The following ADIPOR2 variants were observed in gnomAD, a reference collection of about 807,000 sequenced individuals.
ADIPOR2 encodes the protein adiponectin receptor protein 2.
Under a neutral mutation model 40.9 loss-of-function variants are expected in ADIPOR2, and 18 were observed. The ratio of observed to expected loss-of-function variants is 0.44; its 90% CI spans 0.30 to 0.65. ADIPOR2 has a LOEUF of 0.65. Ranked by LOEUF, ADIPOR2 falls within the 30% of genes least tolerant of loss-of-function variation. The pLI is 0.09. For synonymous variants in ADIPOR2, 165 were observed against 166.4 expected, an observed-to-expected ratio of 0.99 and a Z score of 0.06; for missense variants, 283 against 479.2, an observed-to-expected ratio of 0.59 and a Z score of 3.82.
At chr12:1,726,551 G>T (rs547716339) in intron 1 of ADIPOR2, among the ~76,000 whole-genome samples, 19 of 152,266 alleles carry the variant, frequency 1.2e-4, no homozygotes, top group Admixed American at 7.2e-4. Context: ...GCAACCTGGT[G>T]TGACGGTATT....
At chr12:1,701,057 G>A (rs2094649169) in intron 1 of ADIPOR2, among the ~76,000 whole-genome samples, 1 of 150,948 alleles carries the variant, frequency 6.6e-6, no homozygotes, top group South Asian at 2.1e-4. Flanking sequence ...ATGTACAGTT[G>A]AAGCAACTTC....
chr12:1,748,870 TC>T (rs1456132652), intron 1 of ADIPOR2, among the ~76,000 whole-genome samples: 1 of 151,810 alleles, frequency 6.6e-6, no homozygotes, highest in Non-Finnish European at 1.5e-5. Context: ...AGCCTGAGTG[TC>T]CTCTAATTCA....
rs142818354 is a variant in ADIPOR2, at chr12:1,758,080, T to C, written c.171+3566T>C. ...GAACTTGCCCACCCAATCACTTTTG[T>C]GTCAGATTTACATTAATTGATTTTT... On this transcript the variant is annotated intron_variant, in intron 2 of 7. Coordinates refer to ENST00000357103, the MANE Select transcript of ADIPOR2 (RefSeq NM_024551.3). The C allele has an allele frequency of 1.0e-5, 6 of 586,528 alleles. No individual in the cohort carries two copies. In the Admixed American group the frequency reaches 1.5e-4, roughly 14 times the overall value. 36.3% of individuals were successfully genotyped at this position (586,528 alleles called of 1,614,324 possible).
chr12:1,779,863 T>C (rs1455285012), intron 4 of ADIPOR2, among the ~76,000 whole-genome samples: 1 of 152,196 alleles, frequency 6.6e-6, no homozygotes, highest in Non-Finnish European at 1.5e-5. Flanking sequence ...AATAGGAACA[T>C]GGCATCTTTC....
chr12:1,755,260 A>G (rs1410521366), intron 2 of ADIPOR2, among the ~76,000 whole-genome samples: 1 of 151,886 alleles, frequency 6.6e-6, no homozygotes, highest in Non-Finnish European at 1.5e-5. Context: ...TTGTATTTTT[A>G]GTAGAGATGG....
chr12:1,772,866 G>A lies in ADIPOR2; in HGVS notation c.196G>A (p.Asp66Asn), dbSNP rs1379768892. Residue 66 changes from aspartate (D) to asparagine (N), a missense_variant, in exon 3 of 8, where the codon GAT (aspartate) becomes AAT (asparagine). By Grantham distance (23) the Asp-to-Asn change is conservative (BLOSUM62 1). Around this residue, in one of 3 missense-constraint regions of ADIPOR2, gnomAD observed 65 missense variants for 79.9 expected, o/e 0.81. Coordinates refer to ENST00000357103, the MANE Select transcript of ADIPOR2 (RefSeq NM_024551.3). ...GAGCTCTGAGGAACATGAATACAGT[G>A]ATGAAGCTCCTCAGGAAGATGAGGG... is the stretch of plus-strand genomic sequence containing the variant. ...KKSSEEHEYSDEAPQEDEGFM... is the reference protein window; with the variant it reads ...KKSSEEHEYSNEAPQEDEGFM... 1 of 1,613,230 alleles carries A rather than the reference G, an allele frequency of 6.2e-7. No individual in the cohort carries two copies. The highest frequency in any genetic ancestry group is 1.1e-5 in the South Asian group (1 of 90,762).
intron 1 of ADIPOR2, among the ~76,000 whole-genome samples, chr12:1,719,728 G>A (rs527917820): frequency 6.6e-6 from 1 of 151,148 alleles, no homozygotes; most frequent in Admixed American, 6.6e-5. Flanking sequence ...AGGCTGGAGT[G>A]CAGTGGTGCA....
intron 1 of ADIPOR2, among the ~76,000 whole-genome samples, chr12:1,744,860 C>A (rs1480044802): frequency 6.6e-6 from 1 of 152,112 alleles, no homozygotes; most frequent in Non-Finnish European, 1.5e-5. Flanking sequence ...CTATCGAGTT[C>A]AAGAAAATTT....
At chr12:1,720,170 G>T in intron 1 of ADIPOR2, among the ~76,000 whole-genome samples, 1 of 152,164 alleles carries the variant, frequency 6.6e-6, no homozygotes, top group Admixed American at 6.6e-5. Context: ...AGCCTGGGGA[G>T]GTCAGGGAAA....
chr12:1,722,257 C>G (rs1337260674), intron 1 of ADIPOR2, among the ~76,000 whole-genome samples: 1 of 152,098 alleles, frequency 6.6e-6, no homozygotes, highest in Admixed American at 6.6e-5. Context: ...CAAGGCAAAT[C>G]CTAGGACTTG....
intron 1 of ADIPOR2, among the ~76,000 whole-genome samples, chr12:1,710,726 C>G (rs542408624): frequency 2.6e-5 from 4 of 152,112 alleles, no homozygotes; most frequent in African/African-American, 9.7e-5. Flanking sequence ...GGGGTCCCAA[C>G]AAAAAGTTGG....
chr12:1,740,005 G>A (rs2094739147), intron 1 of ADIPOR2, among the ~76,000 whole-genome samples: 1 of 152,144 alleles, frequency 6.6e-6, no homozygotes, highest in Non-Finnish European at 1.5e-5. Context: ...AGAAGGCTGA[G>A]GCAGGAGAAT....
chr12:1,748,311 C>T (rs540785230), intron 1 of ADIPOR2, among the ~76,000 whole-genome samples: 38 of 152,142 alleles, frequency 2.5e-4, no homozygotes, highest in East Asian at 9.7e-4. Context: ...TGCAGTGGCG[C>T]GATCTCGGCT....
rs67598229 is a variant in ADIPOR2, at chr12:1,752,230, C to CTT, written c.-86-2008_-86-2007dup. On this transcript the variant is annotated intron_variant, in intron 1 of 7. Transcript: ENST00000357103. ...AGGCGTGAGCCACTGCTCCTGGCCT[C>CTT]TTTTTTTTTTTTTTTTTTTTTAAGA... is the stretch of plus-strand genomic sequence containing the variant. Among the ~76,000 whole-genome samples the CTT allele has an allele frequency of 4.0e-5, 3 of 74,864 alleles. 1 individual carries two copies. Among genetic ancestry groups the CTT allele is most frequent in the Non-Finnish European group, 7.0e-5 (3 of 42,742 alleles). The allele number at this position is 74,864 out of a possible 152,430, so 49.1% of individuals were successfully genotyped here. A position where few individuals can be genotyped will look rare whatever the true frequency, so the allele number is the denominator to read the frequency against.
chr12:1,699,932 G>A (rs1198459440), intron 1 of ADIPOR2, among the ~76,000 whole-genome samples: 1 of 152,118 alleles, frequency 6.6e-6, no homozygotes. Context: ...ATTATAGATT[G>A]GCTTAATTAG....
chr12:1,740,186 A>G (rs1455845629), intron 1 of ADIPOR2, among the ~76,000 whole-genome samples: 1 of 152,202 alleles, frequency 6.6e-6, no homozygotes, highest in Non-Finnish European at 1.5e-5. Context: ...TTTAGATGTA[A>G]CTTTTCAGTT....
chr12:1,736,456 A>T (rs1204937423), intron 1 of ADIPOR2, among the ~76,000 whole-genome samples: 1 of 151,676 alleles, frequency 6.6e-6, no homozygotes, highest in Non-Finnish European at 1.5e-5. Flanking sequence ...CCTGTATCAC[A>T]ATCCCCTGTA....
intron 1 of ADIPOR2, among the ~76,000 whole-genome samples, chr12:1,706,776 C>T (rs986571683): frequency 3.9e-5 from 6 of 152,166 alleles, no homozygotes; most frequent in Admixed American, 2.6e-4. Context: ...CACCCCTCCC[C>T]TCCTCTGGTT....
At position 1,786,028 on chromosome 12, in the gene ADIPOR2, C is replaced by T. The variant is rs1321520886; in HGVS notation, c.1117C>T (p.Arg373Cys). The T allele has an allele frequency of 1.2e-6, 2 of 1,614,092 alleles. No homozygotes were observed. The highest frequency in any genetic ancestry group is 1.7e-6 in the Non-Finnish European group (2 of 1,180,010). ...TGGTGTCTCAAACCTCCAGGAGTTT[C>T]GTTTCATGATCGGCGGGGGCTGCAG... Reference protein sequence around the residue: ...FHGVSNLQEFRFMIGGGCSEE... With the variant: ...FHGVSNLQEFCFMIGGGCSEE... The change falls in exon 8 of 8, where the codon CGT becomes TGT. Residue 373 changes from arginine (R) to cysteine (C), a missense_variant. Around this residue, in one of 3 missense-constraint regions of ADIPOR2, gnomAD observed 106 missense variants for 149.7 expected, o/e 0.71. Coordinates refer to ENST00000357103, the MANE Select transcript of ADIPOR2 (RefSeq NM_024551.3).
Sources: gnomAD v4.1 joint callset for allele counts (sites outside exome capture counted in the v4.1 genomes callset) on GRCh38, gnomAD v4.1.1 for gene constraint, gnomAD v4.1.1 regional missense constraint, MANE v1.5 for transcripts, NCBI Gene and HGNC (gene_info 2026-07-23, HGNC 2026-07-21) for gene names.